The following GPHN variants were observed in gnomAD, a reference collection of about 807,000 sequenced individuals.
GPHN encodes gephyrin.
In GPHN, 17 loss-of-function variants were observed where a neutral mutation model predicts 95.5. The ratio of observed to expected loss-of-function variants is 0.18; its 90% CI spans 0.12 to 0.27. The LOEUF (loss-of-function observed/expected upper bound fraction) is 0.27. Among genes scored for constraint, GPHN ranks in the 10% least tolerant of loss-of-function variants. The probability of loss-of-function intolerance (pLI) is 1.00; values close to 1 mark genes in which losing one functional copy is unlikely to be tolerated. For missense variants in GPHN, 660 were observed against 978.1 expected, an observed-to-expected ratio of 0.67 and a Z score of 4.34; for synonymous variants, 320 against 322.5, an observed-to-expected ratio of 0.99 and a Z score of 0.08.
At chr14:66,837,792 C>G (rs918619185) in intron 4 of GPHN, among the ~76,000 whole-genome samples, 1 of 151,640 alleles carries the variant, frequency 6.6e-6, no homozygotes, top group African/African-American at 2.4e-5. Flanking sequence ...GAAGAACCCA[C>G]AAATAAAAAT....
intron 6 of GPHN, among the ~76,000 whole-genome samples, chr14:66,918,853 A>G (rs1030576297): frequency 6.6e-5 from 10 of 152,204 alleles, no homozygotes; most frequent in African/African-American, 2.4e-4. Context: ...ATTGAGCCAT[A>G]CAAAGATAGG....
At chr14:67,615,001 C>T in the GPHN span, 2 of 152,110 alleles carry the variant, frequency 1.3e-5, no homozygotes, top group African/African-American at 2.4e-5. Context: ...TTGTGTCTTA[C>T]TTATTCCCAC....
chr14:67,639,094 G>C, the GPHN span, among the ~76,000 whole-genome samples: 1 of 152,170 alleles, frequency 6.6e-6, no homozygotes. Context: ...CTGAATTAGC[G>C]ACTGAAATCC....
At chr14:66,777,114 G>C (rs1484325532) in intron 3 of GPHN, among the ~76,000 whole-genome samples, 2 of 149,586 alleles carry the variant, frequency 1.3e-5, no homozygotes, top group Non-Finnish European at 3.0e-5. Context: ...GAATCAAATA[G>C]ACGCAATAAA....
At chr14:67,638,442 C>T in the GPHN span, among the ~76,000 whole-genome samples, 1 of 152,060 alleles carries the variant, frequency 6.6e-6, no homozygotes, top group Non-Finnish European at 1.5e-5. Context: ...GGTTTGGGAC[C>T]TCTGATATAC....
At chr14:67,315,402 G>A in the GPHN span, among the ~76,000 whole-genome samples, 2 of 149,616 alleles carry the variant, frequency 1.3e-5, no homozygotes, top group Non-Finnish European at 3.0e-5. Context: ...TCAGTCTGCT[G>A]AGCAGCTGGG....
the GPHN span, chr14:67,317,377 A>G: frequency 2.6e-6 from 4 of 1,560,004 alleles, no homozygotes; most frequent in Non-Finnish European, 8.8e-7. Context: ...ACGGGAACAC[A>G]TTTATAGTTA....
intron 17 of GPHN, among the ~76,000 whole-genome samples, 168 bp downstream of exon 17, chr14:67,122,545 A>T (rs140249075): frequency 7.9e-5 from 12 of 152,224 alleles, no homozygotes. Context: ...TCCTTTAGAG[A>T]TAAAGATTTC....
At chr14:67,212,589 G>GGA in the GPHN span, among the ~76,000 whole-genome samples, 5 of 100,360 alleles carry the variant, frequency 5.0e-5, no homozygotes, top group African/African-American at 1.8e-4. Context: ...AGACCCTGTT[G>GGA]AAAAAAAAAA....
At chr14:66,515,528 G>T (rs2058205809) in intron 1 of GPHN, among the ~76,000 whole-genome samples, 1 of 152,096 alleles carries the variant, frequency 6.6e-6, no homozygotes, top group African/African-American at 2.4e-5. Context: ...TTAGACTAAT[G>T]AAATTTGATA....
rs191866158 is a variant in GPHN at position 67,046,511 on chromosome 14, C to T, written c.1007-12138C>T. 2.2e-3 allele frequency among the ~76,000 whole-genome samples: 336 copies of T among 152,214 alleles called. 3 individuals carry two copies. Among genetic ancestry groups the T allele is most frequent in the East Asian group, 0.012 (63 of 5,176 alleles). ...GGGTTTTATATACTATTCTAAGGAA[C>T]TGAAATTTTATCCTGTAAGTGATAA... On this transcript the variant is annotated intron_variant, in intron 10 of 22. Transcript: ENST00000478722.
At chr14:66,641,666 AAG>A (rs74585477) in intron 1 of GPHN, among the ~76,000 whole-genome samples, 21 of 151,072 alleles carry the variant, frequency 1.4e-4, no homozygotes, top group Middle Eastern at 6.8e-3. Flanking sequence ...AAAAAAAAAA[AAG>A]AGAGAGGTAG....
chr14:67,603,996 G>GTTTTTTTTTTTTTTTTTTT, the GPHN span, among the ~76,000 whole-genome samples: 1 of 150,144 alleles, frequency 6.7e-6, no homozygotes. Flanking sequence ...CTTGTTTTTT[G>GTTTTTTTTTTTTTTTTTTT]TTTTTGTTTT....
At chr14:67,600,388 G>A in the GPHN span, 1 of 547,318 alleles carries the variant, frequency 1.8e-6, no homozygotes, top group Non-Finnish European at 3.1e-6. Flanking sequence ...TTCCGGGCCG[G>A]CCTTGACTGT....
At chr14:66,695,895 G>C (rs2068072602) in intron 2 of GPHN, among the ~76,000 whole-genome samples, 1 of 152,154 alleles carries the variant, frequency 6.6e-6, no homozygotes, top group African/African-American at 2.4e-5. Flanking sequence ...GATTTTTAGG[G>C]CAGTAAAACT....
At chr14:66,602,793 A>AG (rs925105446) in intron 1 of GPHN, among the ~76,000 whole-genome samples, 11 of 152,014 alleles carry the variant, frequency 7.2e-5, no homozygotes, top group African/African-American at 2.4e-4. Context: ...TATATTAAGG[A>AG]GGGGGGTGGA....
the GPHN span, among the ~76,000 whole-genome samples, chr14:67,445,577 C>CTTTTTTTTTTTTTTTT: frequency 1.6e-3 from 95 of 59,932 alleles, 16 homozygotes; most frequent in African/African-American, 6.1e-3. Context: ...AGAGGCAATT[C>CTTTTTTTTTTTTTTTT]TTTTTTTTTT....
At chr14:67,120,125 CAAAAA>C (rs1393148851) in intron 16 of GPHN, among the ~76,000 whole-genome samples, 1 of 76,222 alleles carries the variant, frequency 1.3e-5, no homozygotes, top group African/African-American at 5.1e-5. Context: ...GACTCCATCT[CAAAAA>C]AAAAAAAAAA....
the GPHN span, among the ~76,000 whole-genome samples, chr14:67,595,006 AG>A: frequency 6.6e-6 from 1 of 151,894 alleles, no homozygotes; most frequent in Non-Finnish European, 1.5e-5. Flanking sequence ...GCGTAGTGGC[AG>A]GCACCTGTAG....
Sources: allele counts gnomAD v4.1 joint callset (sites outside exome capture counted in the v4.1 genomes callset), GRCh38; gene constraint gnomAD v4.1.1; transcripts MANE v1.5; gene names NCBI Gene and HGNC (gene_info 2026-07-23, HGNC 2026-07-21).